Variants in TAFA5 observed in about 807,000 individuals in gnomAD.
TAFA5 encodes the protein chemokine-like protein TAFA-5.
A neutral mutation model predicts 15.3 loss-of-function variants in TAFA5; 6 were observed. That is an observed-to-expected ratio of 0.39 (90% confidence interval 0.21 to 0.77). The LOEUF (loss-of-function observed/expected upper bound fraction) is 0.77, where lower values mean the gene tolerates loss of function less well. Ranked by LOEUF, TAFA5 falls within the 30% of genes least tolerant of loss-of-function variation. TAFA5 has a pLI of 0.41. For missense variants in TAFA5, 161 were observed against 193.1 expected, an observed-to-expected ratio of 0.83 and a Z score of 0.98; for synonymous variants, 103 against 80.7, an observed-to-expected ratio of 1.28 and a Z score of -1.48.
At chr22:48,640,145 A>G (rs1177874900) in intron 1 of TAFA5, among the ~76,000 whole-genome samples, 1 of 152,170 alleles carries the variant, frequency 6.6e-6, no homozygotes, top group Non-Finnish European at 1.5e-5. Context: ...TTGGCTCTGC[A>G]GGCCTTAGGC....
At chr22:48,542,115 G>GA (rs779305916) in intron 1 of TAFA5, among the ~76,000 whole-genome samples, 3 of 140,418 alleles carry the variant, frequency 2.1e-5, no homozygotes, top group East Asian at 2.4e-4. Context: ...TGGTGTGTGT[G>GA]TGTGTGGTGT....
intron 1 of TAFA5, among the ~76,000 whole-genome samples, chr22:48,633,169 T>C (rs1226380040): frequency 1.3e-5 from 2 of 152,154 alleles, no homozygotes; most frequent in African/African-American, 4.8e-5. Flanking sequence ...AGGCTGGGCC[T>C]CCTGGAGGAC....
intron 1 of TAFA5, among the ~76,000 whole-genome samples, chr22:48,608,120 C>CCGGCTGCCAGCCCCTCCCACGGCCCT (rs1569045458): frequency 6.6e-6 from 1 of 151,780 alleles, no homozygotes; most frequent in African/African-American, 2.4e-5. Flanking sequence ...CCCACGGCCC[C>CCGGCTGCCAGCCCCTCCCACGGCCCT]GGGCTGCCAG....
chr22:48,495,311 G>A (rs981453323), intron 1 of TAFA5, among the ~76,000 whole-genome samples: 7 of 152,212 alleles, frequency 4.6e-5, no homozygotes, highest in Non-Finnish European at 1.0e-4. Context: ...AGCCCCGGGG[G>A]CAGAGATGGT....
Position 48,639,884 on chromosome 22 carries a change from G to A in TAFA5, c.113-6713G>A, listed in dbSNP as rs572414415. 1.2e-4 allele frequency among the ~76,000 whole-genome samples: 19 copies of A among 152,262 alleles called. No homozygotes were observed. The East Asian group carries it at 1.5e-3, about 12-fold the overall frequency. ...TGGGCAGGGCTCTGGGAATTTTGCC[G>A]GATGCTTTCTCCATTGCTCTCCCCC... On this transcript the variant is annotated intron_variant, in intron 1 of 3. Transcript: ENST00000402357.
intron 1 of TAFA5, among the ~76,000 whole-genome samples, chr22:48,570,549 C>T (rs901435722): frequency 2.0e-5 from 3 of 152,168 alleles, no homozygotes; most frequent in Non-Finnish European, 4.4e-5. Flanking sequence ...TTTCAACATG[C>T]GTGATGTCAG....
At chr22:48,743,753 C>T (rs1930248714) in intron 3 of TAFA5, among the ~76,000 whole-genome samples, 1 of 152,244 alleles carries the variant, frequency 6.6e-6, no homozygotes, top group Non-Finnish European at 1.5e-5. Context: ...CTCCTCTACC[C>T]TGAGGGAAAG....
intron 1 of TAFA5, among the ~76,000 whole-genome samples, chr22:48,510,657 G>A (rs1305037973): frequency 6.6e-6 from 1 of 152,210 alleles, no homozygotes; most frequent in African/African-American, 2.4e-5. Flanking sequence ...AGCAGCCCCT[G>A]AGAAATTTGG....
At chr22:48,569,915 G>C (rs1601585167) in intron 1 of TAFA5, among the ~76,000 whole-genome samples, 2 of 151,476 alleles carry the variant, frequency 1.3e-5, no homozygotes, top group African/African-American at 4.8e-5. Context: ...GGGCCCTCAT[G>C]GGCCATGCTG....
intron 1 of TAFA5, among the ~76,000 whole-genome samples, chr22:48,561,291 C>G (rs572876114): frequency 6.6e-6 from 1 of 152,096 alleles, no homozygotes; most frequent in East Asian, 1.9e-4. Context: ...GAGCCTCTCC[C>G]GTCCGCAGGG....
At chr22:48,663,684 T>C (rs1315239061) in intron 2 of TAFA5, among the ~76,000 whole-genome samples, 1 of 152,238 alleles carries the variant, frequency 6.6e-6, no homozygotes, top group Non-Finnish European at 1.5e-5. Context: ...CTGAGTAGCA[T>C]GACAAAAATT....
At chr22:48,652,905 G>A (rs1274726069) in intron 2 of TAFA5, among the ~76,000 whole-genome samples, 2 of 152,184 alleles carry the variant, frequency 1.3e-5, no homozygotes, top group Non-Finnish European at 2.9e-5. Flanking sequence ...ATGGGCGACT[G>A]GGTGTACAGC....
intron 2 of TAFA5, among the ~76,000 whole-genome samples, chr22:48,691,320 C>T (rs1928534764): frequency 6.6e-6 from 1 of 152,234 alleles, no homozygotes; most frequent in African/African-American, 2.4e-5. Flanking sequence ...CTTTCCAAAG[C>T]CCTGGGACTG....
At chr22:48,503,006 T>G (rs1472384196) in intron 1 of TAFA5, among the ~76,000 whole-genome samples, 1 of 151,962 alleles carries the variant, frequency 6.6e-6, no homozygotes, top group African/African-American at 2.4e-5. Context: ...CCTGCAGAGG[T>G]GGAAGGATGT....
chr22:48,670,798 T>C (rs1364560281), intron 2 of TAFA5, among the ~76,000 whole-genome samples: 3 of 152,200 alleles, frequency 2.0e-5, no homozygotes, highest in Non-Finnish European at 2.9e-5. Context: ...TTTTACATGA[T>C]GGAGACCATC....
At chr22:48,580,610 G>A (rs905639261) in intron 1 of TAFA5, among the ~76,000 whole-genome samples, 3 of 152,268 alleles carry the variant, frequency 2.0e-5, no homozygotes, top group East Asian at 1.9e-4. Flanking sequence ...AGGCTGCACC[G>A]GGCTCCATTC....
chr22:48,517,804 C>T (rs133499), intron 1 of TAFA5, among the ~76,000 whole-genome samples: 35,443 of 152,146 alleles, frequency 0.23, 4,639 homozygotes, highest in Middle Eastern at 0.32. Flanking sequence ...TCCCTCTCCC[C>T]TGCCCCCTCT....
chr22:48,494,275 T>G (rs892291432), intron 1 of TAFA5, among the ~76,000 whole-genome samples: 3 of 152,256 alleles, frequency 2.0e-5, no homozygotes, highest in Non-Finnish European at 4.4e-5. Flanking sequence ...TTTCTTTATA[T>G]AGGCTCGCAT....
At position 48,646,589 on chromosome 22, in the gene TAFA5, C is replaced by T. The variant is rs1377088166; in HGVS notation, c.113-8C>T. On this transcript the variant is annotated splice_region_variant and splice_polypyrimidine_tract_variant and intron_variant, in intron 1 of 3. Transcript: ENST00000402357. ...TGGCCGCTCAGTCGCTTCTGCTCCT[C>T]TCTGCAGGTCAGCTGGCCGCCGGCA... The T allele has an allele frequency of 5.0e-6, 8 of 1,612,090 alleles. No individual in the cohort carries two copies. In the East Asian group the frequency reaches 8.9e-5, roughly 18 times the overall value.
Sources: allele counts gnomAD v4.1 joint callset (sites outside exome capture counted in the v4.1 genomes callset), GRCh38; gene constraint gnomAD v4.1.1; transcripts MANE v1.5; gene names NCBI Gene and HGNC (gene_info 2026-07-23, HGNC 2026-07-21).